The following ACYP2 variants were observed in gnomAD, a reference collection of about 807,000 sequenced individuals.
ACYP2 encodes acylphosphatase-2.
A neutral mutation model predicts 11.2 loss-of-function variants in ACYP2; 12 were observed. The observed-to-expected ratio is 1.08, with a 90% CI of 0.69 to 1.74. ACYP2 has a LOEUF of 1.74. Ranked by LOEUF, ACYP2 falls within the 40% of genes most tolerant of loss-of-function variation. ACYP2 has a pLI of 0.00. For synonymous variants in ACYP2, 43 were observed against 32.2 expected, an observed-to-expected ratio of 1.33 and a Z score of -1.13; for missense variants, 134 against 101.9, an observed-to-expected ratio of 1.31 and a Z score of -1.35.
intron 6 of ACYP2, chr2:54,256,236 A>T: frequency 6.8e-7 from 1 of 1,463,320 alleles, no homozygotes; most frequent in Non-Finnish European, 9.2e-7. Flanking sequence ...TGGCGAGTAA[A>T]CACCTCGCCC....
rs569845045 is a variant in ACYP2, at chr2:54,054,081, A to C, written c.155+3031A>C. Among the ~76,000 whole-genome samples the C allele has an allele frequency of 4.6e-4, 70 of 152,316 alleles. 2 individuals carry two copies. The South Asian group carries it at 0.014, about 30-fold the overall frequency. On this transcript the variant is annotated intron_variant, in intron 3 of 6. Transcript: ENST00000607452. ...TAGGCCCAGATCCTGGCTTATATTC[A>C]AGTACAGTTTCGAGATAGGGATTTT... is the stretch of plus-strand genomic sequence containing the variant.
chr2:54,113,884 TAAG>T (rs1032274535), intron 4 of ACYP2, among the ~76,000 whole-genome samples: 2 of 152,018 alleles, frequency 1.3e-5, no homozygotes, highest in Non-Finnish European at 2.9e-5. Flanking sequence ...TTGAACGTAT[TAAG>T]AAGAATGATT....
chr2:54,050,923 C>T (rs180848451), intron 2 of ACYP2: 1 of 405,594 alleles, frequency 2.5e-6, no homozygotes, highest in East Asian at 3.5e-5. Context: ...TACAGGTGTG[C>T]ACCCAACTAA....
At chr2:54,189,119 C>A (rs191568536) in intron 6 of ACYP2, among the ~76,000 whole-genome samples, 26 of 152,250 alleles carry the variant, frequency 1.7e-4, no homozygotes, top group African/African-American at 6.3e-4. Context: ...AAAATGGTTA[C>A]TATAGTGAAG....
At chr2:54,188,755 A>AC (rs1369857615) in intron 6 of ACYP2, among the ~76,000 whole-genome samples, 2 of 152,146 alleles carry the variant, frequency 1.3e-5, no homozygotes, top group African/African-American at 4.8e-5. Flanking sequence ...CTCAGGCCCC[A>AC]CCCCAGACCT....
chr2:54,180,155 T>G (rs1558592046), intron 6 of ACYP2, among the ~76,000 whole-genome samples: 1 of 152,206 alleles, frequency 6.6e-6, no homozygotes, highest in Non-Finnish European at 1.5e-5. Context: ...TGCATGCAGC[T>G]TCCATGCTGT....
At chr2:54,191,575 GATA>G (rs1185200843) in intron 6 of ACYP2, among the ~76,000 whole-genome samples, 2 of 152,140 alleles carry the variant, frequency 1.3e-5, no homozygotes, top group Non-Finnish European at 2.9e-5. Flanking sequence ...ATAAAATGGG[GATA>G]ATAAATGTAC....
At chr2:54,065,463 C>G (rs1676697869) in intron 4 of ACYP2, 2 of 398,562 alleles carry the variant, frequency 5.0e-6, no homozygotes, top group Non-Finnish European at 8.8e-6. Context: ...TCTTTAGATC[C>G]AGACTCTGAA....
intron 6 of ACYP2, among the ~76,000 whole-genome samples, chr2:54,185,138 T>C (rs1294729248): frequency 6.6e-6 from 1 of 152,214 alleles, no homozygotes; most frequent in Admixed American, 6.6e-5. Context: ...ATGCCAGGTC[T>C]ATGGGTGCCC....
In ACYP2 at chr2:53,973,761, C is replaced by A; in HGVS notation, c.13C>A (p.Gln5Lys). 1 of 348,658 alleles carries A rather than the reference C, an allele frequency of 2.9e-6. No homozygotes were observed. Among genetic ancestry groups the A allele is most frequent in the Non-Finnish European group, 5.1e-6 (1 of 194,352 alleles). The allele number at this position is 348,658 out of a possible 1,614,324, so 21.6% of individuals were successfully genotyped here. A position where few individuals can be genotyped will look rare whatever the true frequency, so the allele number is the denominator to read the frequency against. ...GAAATAAACAGCCATGTTGCTCACA[C>A]AAAGCCTGTTTGGTGGTCTCTTCCC... Residue 5 changes from glutamine (Q) to lysine (K), a missense_variant, in exon 2 of 7, where the codon CAA becomes AAA. By Grantham distance (53) the Gln-to-Lys change is moderately conservative (BLOSUM62 1). Coordinates refer to ENST00000607452, the MANE Select transcript of ACYP2 (RefSeq NM_001320586.2).
intron 6 of ACYP2, among the ~76,000 whole-genome samples, chr2:54,231,103 T>C (rs1686217495): frequency 6.6e-6 from 1 of 152,142 alleles, no homozygotes; most frequent in East Asian, 1.9e-4. Context: ...AGTGCTGGGA[T>C]TACAAATGTG....
intron 6 of ACYP2, chr2:54,255,490 C>G: frequency 6.2e-7 from 1 of 1,614,040 alleles, no homozygotes; most frequent in South Asian, 1.1e-5. Context: ...CAGGAGCGCC[C>G]TGTCAGCCTC....
intron 6 of ACYP2, among the ~76,000 whole-genome samples, chr2:54,174,741 T>C (rs1168338617): frequency 2.0e-5 from 3 of 152,230 alleles, no homozygotes; most frequent in African/African-American, 7.2e-5. Context: ...TGAAGGGCTG[T>C]TGAATTTTGT....
intron 6 of ACYP2, among the ~76,000 whole-genome samples, chr2:54,274,129 G>T (rs115413888): frequency 2.7e-3 from 418 of 152,290 alleles, no homozygotes; most frequent in Non-Finnish European, 5.2e-3. Context: ...GGCTGGGGAA[G>T]CCTCATAATT....
chr2:54,144,511 T>TAA, intron 6 of ACYP2, among the ~76,000 whole-genome samples: 1 of 151,878 alleles, frequency 6.6e-6, no homozygotes, highest in Non-Finnish European at 1.5e-5. Context: ...CCGTCTCTAC[T>TAA]AAAAATACAA....
chr2:54,196,350 C>T (rs987333400), intron 6 of ACYP2, among the ~76,000 whole-genome samples: 15 of 152,176 alleles, frequency 9.9e-5, no homozygotes, highest in Middle Eastern at 3.4e-3. Context: ...GTAACTGGGA[C>T]TACAGACTTA....
In ACYP2 at chr2:54,207,634, A is replaced by G. The variant is rs112198682; in HGVS notation, c.404+68886A>G. Among the ~76,000 whole-genome samples, 614 of 152,326 alleles carry G rather than the reference A, an allele frequency of 4.0e-3. 6 individuals carry two copies. Among genetic ancestry groups the G allele is most frequent in the African/African-American group, 0.014 (586 of 41,576 alleles). On this transcript the variant is annotated intron_variant, in intron 6 of 6. Coordinates refer to ENST00000607452, the MANE Select transcript of ACYP2 (RefSeq NM_001320586.2). The stretch of plus-strand genomic sequence containing the variant: ...TTATTGTCAGTAAGCCAAATTAAAG[A>G]TAATGGTAGCTAGCATTTTTACTAA...
intron 6 of ACYP2, among the ~76,000 whole-genome samples, chr2:54,266,794 A>G (rs1688049526): frequency 6.6e-6 from 1 of 151,096 alleles, no homozygotes; most frequent in South Asian, 2.1e-4. Flanking sequence ...TTTTTTTAGT[A>G]CAGACGGGGT....
At chr2:54,025,978 G>C (rs368918850) in intron 2 of ACYP2, among the ~76,000 whole-genome samples, 5 of 152,128 alleles carry the variant, frequency 3.3e-5, no homozygotes, top group South Asian at 2.1e-4. Flanking sequence ...TTAGCCAGGC[G>C]TGATGGCAGG....
Sources: allele counts gnomAD v4.1 joint callset (sites outside exome capture counted in the v4.1 genomes callset), GRCh38; gene constraint gnomAD v4.1.1; transcripts MANE v1.5; gene names NCBI Gene and HGNC (gene_info 2026-07-23, HGNC 2026-07-21).